The following GRXCR1 variants were observed in gnomAD, a reference collection of about 807,000 sequenced individuals.
GRXCR1 encodes the protein glutaredoxin and cysteine rich domain containing 1, also known as glutaredoxin domain-containing cysteine-rich protein 1.
Under a neutral mutation model 27.3 loss-of-function variants are expected in GRXCR1, and 27 were observed. The observed-to-expected ratio is 0.99, with a 90% CI of 0.73 to 1.37. The LOEUF is 1.37. GRXCR1 is among the 40% of genes most tolerant of loss of function. The probability of loss-of-function intolerance (pLI) is 0.00; values close to 1 mark genes in which losing one functional copy is unlikely to be tolerated. For missense variants in GRXCR1, 379 were observed against 354.4 expected, an observed-to-expected ratio of 1.07 and a Z score of -0.56; for synonymous variants, 122 against 131.1, an observed-to-expected ratio of 0.93 and a Z score of 0.47.
chr4:42,956,298 T>C (rs1010728312), intron 1 of GRXCR1, among the ~76,000 whole-genome samples: 15 of 152,072 alleles, frequency 9.9e-5, no homozygotes, highest in African/African-American at 3.4e-4. Flanking sequence ...CTCAGTGCTG[T>C]CTCAGATGCT....
At chr4:42,917,859 T>A (rs1165488682) in intron 1 of GRXCR1, among the ~76,000 whole-genome samples, 1 of 152,082 alleles carries the variant, frequency 6.6e-6, no homozygotes, top group Non-Finnish European at 1.5e-5. Context: ...ATCTTAACAT[T>A]TAGTTTTTCA....
intron 2 of GRXCR1, among the ~76,000 whole-genome samples, chr4:43,005,027 G>A (rs944306464): frequency 2.7e-4 from 41 of 152,154 alleles, no homozygotes; most frequent in African/African-American, 8.9e-4. Context: ...CACATATTGG[G>A]GGAGGAACCT....
rs1462354643 is a variant in GRXCR1 at position 42,893,449 on chromosome 4, G to A, written c.183G>A (p.Gln61=). 6.2e-7 allele frequency: 1 copy of A among 1,613,748 alleles called. No individual in the cohort carries two copies. Among genetic ancestry groups the A allele is most frequent in the African/African-American group, 1.3e-5 (1 of 74,906 alleles). Reference sequence around the variant, plus strand: ...ATGGACTAGGTGATTCCGATGGACAGCAGAATGGCCACATAGAGTCAGAAG... The same window carrying A: ...ATGGACTAGGTGATTCCGATGGACAACAGAATGGCCACATAGAGTCAGAAG... ...GIDGLGDSDG[Q]QNGHIESEGD... The change falls in exon 1 of 4, where the codon CAG becomes CAA. Residue 61 remains glutamine, a synonymous_variant. Coordinates refer to ENST00000399770, the MANE Select transcript of GRXCR1 (RefSeq NM_001080476.3).
At chr4:42,921,994 C>A (rs1018937974) in intron 1 of GRXCR1, among the ~76,000 whole-genome samples, 2 of 152,070 alleles carry the variant, frequency 1.3e-5, no homozygotes, top group Non-Finnish European at 2.9e-5. Context: ...GGTTGGTGGC[C>A]ACAGATTTCT....
At chr4:43,023,537 A>C (rs2109808715) in intron 3 of GRXCR1, among the ~76,000 whole-genome samples, 1 of 152,342 alleles carries the variant, frequency 6.6e-6, no homozygotes, top group Middle Eastern at 3.4e-3. Flanking sequence ...AGGCAGCAGA[A>C]GCTAGTAACA....
intron 1 of GRXCR1, among the ~76,000 whole-genome samples, chr4:42,924,411 A>C (rs1445815817): frequency 2.0e-5 from 3 of 152,044 alleles, no homozygotes; most frequent in Non-Finnish European, 4.4e-5. Context: ...TCTGCAGGAG[A>C]GGCAAAATTA....
chr4:43,022,111 A>G (rs1406523595), intron 3 of GRXCR1, among the ~76,000 whole-genome samples: 1 of 152,174 alleles, frequency 6.6e-6, no homozygotes, highest in Non-Finnish European at 1.5e-5. Context: ...TTACATTATT[A>G]TATACCTTTT....
intron 1 of GRXCR1, among the ~76,000 whole-genome samples, chr4:42,913,895 T>C (rs1597562): frequency 0.69 from 104,193 of 152,072 alleles, 36,142 homozygotes; most frequent in Non-Finnish European, 0.72. Flanking sequence ...ATAGCTCACA[T>C]CATTGCTTCA....
intron 2 of GRXCR1, among the ~76,000 whole-genome samples, chr4:42,997,262 A>C (rs1712197183): frequency 6.6e-6 from 1 of 152,092 alleles, no homozygotes; most frequent in South Asian, 2.1e-4. Flanking sequence ...CATCTGTAGG[A>C]CACTTCAAAT....
intron 1 of GRXCR1, among the ~76,000 whole-genome samples, chr4:42,927,702 C>G (rs1747194058): frequency 1.3e-5 from 2 of 151,810 alleles, no homozygotes; most frequent in Admixed American, 1.3e-4. Flanking sequence ...CTGCTAAGAT[C>G]TTTTGGAAAC....
At chr4:42,978,681 G>A (rs1471813456) in intron 2 of GRXCR1, among the ~76,000 whole-genome samples, 1 of 151,846 alleles carries the variant, frequency 6.6e-6, no homozygotes, top group South Asian at 2.1e-4. Flanking sequence ...ATTTTTTGGT[G>A]CTAACATATT....
At chr4:42,900,415 T>C (rs985454936) in intron 1 of GRXCR1, among the ~76,000 whole-genome samples, 17 of 152,188 alleles carry the variant, frequency 1.1e-4, no homozygotes, top group African/African-American at 3.9e-4. Context: ...AGTAATAGAC[T>C]CTTTTACATA....
intron 2 of GRXCR1, among the ~76,000 whole-genome samples, chr4:42,997,342 T>C (rs1577937778): frequency 6.6e-6 from 1 of 152,346 alleles, no homozygotes; most frequent in East Asian, 1.9e-4. Flanking sequence ...AGAAATCTAG[T>C]GTGTCTATTT....
intron 1 of GRXCR1, among the ~76,000 whole-genome samples, chr4:42,899,807 A>G (rs1005795043): frequency 6.6e-6 from 1 of 152,160 alleles, no homozygotes; most frequent in African/African-American, 2.4e-5. Flanking sequence ...TTCCTGGTTC[A>G]TCAGAATCTT....
At chr4:42,984,099 G>A (rs2109786943) in intron 2 of GRXCR1, among the ~76,000 whole-genome samples, 1 of 152,184 alleles carries the variant, frequency 6.6e-6, no homozygotes, top group Non-Finnish European at 1.5e-5. Flanking sequence ...GTCTCCCAAA[G>A]TGCTGGGATT....
chr4:42,899,337 G>A (rs1746415854), intron 1 of GRXCR1, among the ~76,000 whole-genome samples: 1 of 152,060 alleles, frequency 6.6e-6, no homozygotes. Flanking sequence ...TAGATAATGT[G>A]AGGACTAAAA....
intron 3 of GRXCR1, among the ~76,000 whole-genome samples, chr4:43,026,345 AG>A (rs1180561769): frequency 3.3e-5 from 5 of 152,232 alleles, no homozygotes; most frequent in African/African-American, 1.2e-4. Flanking sequence ...AGACATGGCT[AG>A]GCATGACTAA....
rs556509892 is a variant in GRXCR1 at position 42,909,606 on chromosome 4, T to C, written c.384+15956T>C. Among the ~76,000 whole-genome samples the C allele has an allele frequency of 1.4e-4, 22 of 152,276 alleles. 1 individual carries two copies. In the South Asian group the frequency reaches 4.6e-3, roughly 32 times the overall value. On this transcript the variant is annotated intron_variant, in intron 1 of 3. Coordinates refer to ENST00000399770, the MANE Select transcript of GRXCR1 (RefSeq NM_001080476.3). ...TTTTAGGGTCATTATTGTTATTTTC[T>C]CATTAAAAAATCCATTTACCTCCTG...
intron 1 of GRXCR1, among the ~76,000 whole-genome samples, chr4:42,922,954 C>T (rs1747054386): frequency 6.6e-6 from 1 of 152,060 alleles, no homozygotes; most frequent in Non-Finnish European, 1.5e-5. Flanking sequence ...CATCACCTTG[C>T]CAGCTCTCTC....
Sources: gnomAD v4.1 joint callset for allele counts (sites outside exome capture counted in the v4.1 genomes callset) on GRCh38, gnomAD v4.1.1 for gene constraint, MANE v1.5 for transcripts, NCBI Gene and HGNC (gene_info 2026-07-23, HGNC 2026-07-21) for gene names.